PPP3CA: variants seen among roughly 807,000 people sequenced by gnomAD.
The protein encoded by PPP3CA is protein phosphatase 3 catalytic subunit alpha, also known as CAM-PRP catalytic subunit.
PPP3CA carries 14 observed loss-of-function variants against 66.5 expected under a neutral mutation model. That is an observed-to-expected ratio of 0.21 (90% CI 0.14 to 0.33). The LOEUF is 0.33. Among genes scored for constraint, PPP3CA ranks in the 10% least tolerant of loss-of-function variants. The probability of loss-of-function intolerance (pLI) is 1.00; values close to 1 mark genes in which losing one functional copy is unlikely to be tolerated. For synonymous variants in PPP3CA, 232 were observed against 226.2 expected (o/e 1.03, Z -0.23); for missense variants, 317 against 639.5 (o/e 0.50, Z 5.44).
intron 2 of PPP3CA, among the ~76,000 whole-genome samples, chr4:101,120,290 A>G (rs1307988085): frequency 6.6e-6 from 1 of 152,118 alleles, no homozygotes; most frequent in Non-Finnish European, 1.5e-5. Flanking sequence ...TTGACGTTTC[A>G]CTTGTGCTGC....
intron 1 of PPP3CA, among the ~76,000 whole-genome samples, chr4:101,333,358 G>A (rs536651097): frequency 1.7e-5 from 2 of 120,976 alleles, no homozygotes; most frequent in African/African-American, 7.5e-5. Context: ...CAAATTCCTA[G>A]GCTCAAGTCC....
At chr4:101,037,161 A>G (rs1012094201) in intron 11 of PPP3CA, among the ~76,000 whole-genome samples, 2 of 152,152 alleles carry the variant, frequency 1.3e-5, no homozygotes, top group African/African-American at 4.8e-5. Context: ...CAGAGCTCAT[A>G]CTAATGCTGT....
chr4:101,046,313 G>A (rs563985451), intron 10 of PPP3CA, among the ~76,000 whole-genome samples: 12 of 152,078 alleles, frequency 7.9e-5, no homozygotes, highest in Non-Finnish European at 1.6e-4. Flanking sequence ...TTTTACGTTA[G>A]AATGTGAAAA....
At position 101,184,496 on chromosome 4, in the gene PPP3CA, C is replaced by G. The variant is rs138301177; in HGVS notation, c.259+11420G>C. ...TAAAATAAACATCAGAAGTAAAAGACTTAGTAAAAAAAAGAGGGCAAAATA... is the reference window on the plus strand; with the variant it reads ...TAAAATAAACATCAGAAGTAAAAGAGTTAGTAAAAAAAAGAGGGCAAAATA... On this transcript the variant is annotated intron_variant, in intron 2 of 13. Transcript: ENST00000394854. Among the ~76,000 whole-genome samples the G allele has an allele frequency of 2.8e-3, 426 of 151,760 alleles. 1 individual carries two copies. The highest frequency in any genetic ancestry group is 9.9e-3 in the African/African-American group (409 of 41,396).
intron 1 of PPP3CA, among the ~76,000 whole-genome samples, chr4:101,197,564 C>T (rs1231845357): frequency 6.6e-6 from 1 of 152,148 alleles, no homozygotes; most frequent in Non-Finnish European, 1.5e-5. Context: ...GTTACCTCAC[C>T]TGTGAAGTGA....
chr4:101,121,156 C>T (rs984470742), intron 2 of PPP3CA, among the ~76,000 whole-genome samples: 7 of 152,006 alleles, frequency 4.6e-5, no homozygotes, highest in African/African-American at 1.7e-4. Context: ...TGTTTATATA[C>T]TAGAATTGCT....
At chr4:101,187,022 T>C (rs762431787) in intron 2 of PPP3CA, among the ~76,000 whole-genome samples, 3 of 152,130 alleles carry the variant, frequency 2.0e-5, no homozygotes, top group Admixed American at 1.3e-4. Context: ...ACTGAATAGA[T>C]AGAAAGCTGA....
intron 6 of PPP3CA, among the ~76,000 whole-genome samples, chr4:101,092,383 C>T (rs1729991558): frequency 6.7e-6 from 1 of 149,964 alleles, no homozygotes; most frequent in Non-Finnish European, 1.5e-5. Flanking sequence ...AATGTGATAA[C>T]ATAATTGAAT....
intron 2 of PPP3CA, among the ~76,000 whole-genome samples, chr4:101,126,033 T>C (rs1251430903): frequency 6.6e-6 from 1 of 152,186 alleles, no homozygotes; most frequent in Non-Finnish European, 1.5e-5. Context: ...GGTAAATTTA[T>C]ACACAATATT....
intron 1 of PPP3CA, among the ~76,000 whole-genome samples, chr4:101,228,412 TTAAATA>T (rs1226121513): frequency 6.6e-6 from 1 of 151,646 alleles, no homozygotes; most frequent in African/African-American, 2.4e-5. Flanking sequence ...ATAATTTAAT[TTAAATA>T]TAAACCATTT....
Position 101,106,458 on chromosome 4 carries a change from A to AGAAAGAAGAGAAG in PPP3CA, c.384+2495_384+2496insCTTCTCTTCTTTC, listed in dbSNP as rs1560605216. Among the ~76,000 whole-genome samples, 71 of 32,714 alleles carry AGAAAGAAGAGAAG rather than the reference A, an allele frequency of 2.2e-3. 11 individuals carry two copies. The highest frequency in any genetic ancestry group is 4.6e-3 in the African/African-American group (26 of 5,604). The allele number at this position is 32,714 out of a possible 152,430, so 21.5% of individuals were successfully genotyped here. On this transcript the variant is annotated intron_variant, in intron 3 of 13. Coordinates refer to ENST00000394854, the MANE Select transcript of PPP3CA (RefSeq NM_000944.5). Reference sequence around the variant, plus strand: ...GAAAGAAAGAAAGAAAGAAAGAGAAAAGAAAAGAAAAGAAAAGAAAAGAAA... The same window carrying AGAAAGAAGAGAAG: ...GAAAGAAAGAAAGAAAGAAAGAGAAAGAAAGAAGAGAAGAGAAAAGAAAAGAAAAGAAAAGAAA...
intron 1 of PPP3CA, among the ~76,000 whole-genome samples, chr4:101,277,313 C>T (rs1052017078): frequency 4.6e-5 from 7 of 152,196 alleles, no homozygotes; most frequent in Non-Finnish European, 1.5e-5. Flanking sequence ...TATTGAAAGA[C>T]ATCTCGGCTA....
At chr4:101,087,501 A>G (rs1729722344) in intron 6 of PPP3CA, among the ~76,000 whole-genome samples, 1 of 152,164 alleles carries the variant, frequency 6.6e-6, no homozygotes, top group South Asian at 2.1e-4. Context: ...GGTAACCAGT[A>G]TCCTGGCTTA....
rs761983464 is a variant in PPP3CA, at chr4:101,026,075, C to A, written c.1370-14G>T. ...ATCCTTTGATAGCTAAACAGAAAAT[C>A]ATTAAAAAAAGAAAACCAGGATTAT... On this transcript the variant is annotated splice_polypyrimidine_tract_variant and intron_variant, in intron 13 of 13. Transcript: ENST00000394854. The A allele has an allele frequency of 6.4e-7, 1 of 1,567,018 alleles. No individual in the cohort carries two copies. The highest frequency in any genetic ancestry group is 8.6e-7 in the Non-Finnish European group (1 of 1,157,364).
intron 10 of PPP3CA, 133 bp downstream of exon 10, chr4:101,060,951 AATC>A (rs1273297529): frequency 1.3e-6 from 1 of 750,758 alleles, no homozygotes; most frequent in Non-Finnish European, 2.2e-6. Flanking sequence ...CAGAAAATGA[AATC>A]ATATCTTTTA....
chr4:101,284,722 G>A (rs2110281847), intron 1 of PPP3CA, among the ~76,000 whole-genome samples: 1 of 150,646 alleles, frequency 6.6e-6, no homozygotes, highest in East Asian at 2.0e-4. Flanking sequence ...TGTTTTCAAT[G>A]TCATAGTTAC....
At chr4:101,336,634 G>A (rs1417986763) in intron 1 of PPP3CA, among the ~76,000 whole-genome samples, 1 of 151,800 alleles carries the variant, frequency 6.6e-6, no homozygotes, top group African/African-American at 2.4e-5. Context: ...CTCTCTGGAG[G>A]CAAACAGGTA....
At chr4:101,192,125 G>T (rs1724625828) in intron 2 of PPP3CA, among the ~76,000 whole-genome samples, 1 of 152,146 alleles carries the variant, frequency 6.6e-6, no homozygotes, top group South Asian at 2.1e-4. Flanking sequence ...ATGTAAATTG[G>T]ATCCCTGCAC....
intron 1 of PPP3CA, among the ~76,000 whole-genome samples, chr4:101,298,794 T>C (rs1386784173): frequency 1.3e-5 from 2 of 151,378 alleles, no homozygotes; most frequent in Non-Finnish European, 2.9e-5. Context: ...AATTTTCGAC[T>C]ACATGAGGGG....
Sources: allele counts gnomAD v4.1 joint callset (sites outside exome capture counted in the v4.1 genomes callset), GRCh38; gene constraint gnomAD v4.1.1; transcripts MANE v1.5; gene names NCBI Gene and HGNC (gene_info 2026-07-23, HGNC 2026-07-21).